GNAL: variants seen among roughly 807,000 people sequenced by gnomAD.
GNAL encodes G protein subunit alpha L.
In GNAL, 18 loss-of-function variants were observed where a neutral mutation model predicts 55.1. The ratio of observed to expected loss-of-function variants is 0.33; its 90% confidence interval spans 0.23 to 0.48. The LOEUF (loss-of-function observed/expected upper bound fraction) is 0.48, where lower values mean the gene tolerates loss of function less well. GNAL is among the 20% of genes least tolerant of loss of function. The pLI is 0.99. For synonymous variants in GNAL, 253 were observed against 237.0 expected (o/e 1.07, Z -0.62); for missense variants, 412 against 614.1 (o/e 0.67, Z 3.48).
chr18:11,786,608 C>A (rs2034069144), intron 4 of GNAL, among the ~76,000 whole-genome samples: 1 of 130,642 alleles, frequency 7.7e-6, no homozygotes, highest in Non-Finnish European at 1.6e-5. Flanking sequence ...ACCACCACAC[C>A]TGGCTAATTT....
At chr18:11,796,057 A>G (rs780286007) in intron 4 of GNAL, among the ~76,000 whole-genome samples, 2 of 152,098 alleles carry the variant, frequency 1.3e-5, no homozygotes, top group Non-Finnish European at 2.9e-5. Flanking sequence ...CCGGAAGGAG[A>G]ATGCTATGGC....
intron 4 of GNAL, among the ~76,000 whole-genome samples, chr18:11,797,884 G>C (rs1056919150): frequency 1.3e-5 from 2 of 152,154 alleles, no homozygotes; most frequent in African/African-American, 2.4e-5. Context: ...CATTGATTCA[G>C]TGTTTTGGGA....
chr18:11,845,398 G>T (rs2035708877), intron 5 of GNAL, among the ~76,000 whole-genome samples: 1 of 151,094 alleles, frequency 6.6e-6, no homozygotes, highest in South Asian at 2.1e-4. Context: ...GTGAGATATG[G>T]CAAAATGCTG....
chr18:11,788,646 C>T (rs1013715063), intron 4 of GNAL, among the ~76,000 whole-genome samples: 4 of 151,750 alleles, frequency 2.6e-5, no homozygotes, highest in Admixed American at 1.3e-4. Flanking sequence ...CGGAGGCAGG[C>T]GGATCACCTG....
chr18:11,772,916 G>A (rs1358332898), intron 4 of GNAL, among the ~76,000 whole-genome samples: 1 of 152,164 alleles, frequency 6.6e-6, no homozygotes, highest in Non-Finnish European at 1.5e-5. Context: ...TTACATCCCT[G>A]TCCTGCGAAG....
chr18:11,724,747 T>C (rs1469841761), intron 1 of GNAL, among the ~76,000 whole-genome samples: 2 of 152,206 alleles, frequency 1.3e-5, no homozygotes, highest in Non-Finnish European at 2.9e-5. Flanking sequence ...GATGTTATAG[T>C]GTCAACCCCC....
intron 1 of GNAL, among the ~76,000 whole-genome samples, chr18:11,704,987 A>G (rs1157664693): frequency 6.6e-6 from 1 of 152,108 alleles, no homozygotes; most frequent in Non-Finnish European, 1.5e-5. Flanking sequence ...GATCTACCCT[A>G]TTAAAAAGTT....
intron 4 of GNAL, among the ~76,000 whole-genome samples, chr18:11,756,266 A>G (rs1195613892): frequency 6.6e-6 from 1 of 152,174 alleles, no homozygotes; most frequent in Admixed American, 6.5e-5. Context: ...TTAATTAAAA[A>G]CTTGAGAAAC....
intron 5 of GNAL, chr18:11,851,971 C>T (rs2035881633): frequency 6.2e-7 from 1 of 1,613,830 alleles, no homozygotes; most frequent in Non-Finnish European, 8.5e-7. Flanking sequence ...TATGCTGCTC[C>T]AGGAAATGGC....
intron 4 of GNAL, among the ~76,000 whole-genome samples, chr18:11,816,886 A>G (rs1287316715): frequency 1.3e-5 from 2 of 151,996 alleles, no homozygotes; most frequent in African/African-American, 4.8e-5. Flanking sequence ...AAATGTGCTA[A>G]GTGAAAGAAG....
At position 11,870,625 on chromosome 18, in the gene GNAL, A is replaced by G. The variant is rs2036375768; in HGVS notation, c.1032-1643A>G. On this transcript the variant is annotated intron_variant, in intron 9 of 11. Coordinates refer to ENST00000334049, the MANE Select transcript of GNAL (RefSeq NM_182978.4). ...TCTCTAAGATCCCTTACAGCTCACA[A>G]TCACCACATAATCATGTTTGAAACT... Among the ~76,000 whole-genome samples, 8 of 152,166 alleles carry G rather than the reference A, an allele frequency of 5.3e-5. 1 individual carries two copies. The highest frequency in any genetic ancestry group is 5.2e-4 in the Admixed American group (8 of 15,264).
intron 1 of GNAL, among the ~76,000 whole-genome samples, chr18:11,703,795 G>GCGCGCGCACA (rs1311432181): frequency 2.1e-5 from 3 of 141,410 alleles, no homozygotes; most frequent in Admixed American, 7.1e-5. Flanking sequence ...GTGTTGATGG[G>GCGCGCGCACA]CACACACACA....
In GNAL at chr18:11,881,144, C is replaced by T; in HGVS notation, c.*9C>T. ...AGTATGAGCTCTTGTGAGGATGCTG[C>T]CGCCACCCTGCGACGGAGCGGCGCC... On this transcript the variant is annotated 3_prime_UTR_variant, in exon 12 of 12. Transcript: ENST00000334049. The surrounding 1 kb of genome is among the most constrained non-coding windows in gnomAD (Gnocchi z 4.8). 6.3e-7 allele frequency: 1 copy of T among 1,599,994 alleles called. No individual in the cohort carries two copies. Among genetic ancestry groups the T allele is most frequent in the South Asian group, 1.1e-5 (1 of 89,494 alleles).
In GNAL at chr18:11,882,641, G is replaced by A. The variant is rs1029508927; in HGVS notation, c.*1506G>A. ...GTGGAGATTGCAGTGAGCCGAGGTC[G>A]TGCCATCGCACTCCAGCCTGGACAT... On this transcript the variant is annotated 3_prime_UTR_variant, in exon 12 of 12. Coordinates refer to ENST00000334049, the MANE Select transcript of GNAL (RefSeq NM_182978.4). 1.4e-5 allele frequency: 2 copies of A among 142,616 alleles called. No homozygotes were observed. Among genetic ancestry groups the A allele is most frequent in the Non-Finnish European group, 1.5e-5 (1 of 66,868 alleles). The allele number at this position is 142,616 out of a possible 1,614,324, so 8.8% of individuals were successfully genotyped here. A position where few individuals can be genotyped will look rare whatever the true frequency, so the allele number is the denominator to read the frequency against.
chr18:11,753,809 T>G lies in GNAL; in HGVS notation c.505-17T>G. 6.3e-7 allele frequency: 1 copy of G among 1,595,044 alleles called. No individual in the cohort carries two copies. ...GCCTAAATGTTTATCCATATTTTTTTTCTTATTCCATTTTAGACAATTGTT... is the reference window on the plus strand; with the variant it reads ...GCCTAAATGTTTATCCATATTTTTTGTCTTATTCCATTTTAGACAATTGTT... On this transcript the variant is annotated splice_polypyrimidine_tract_variant and intron_variant, in intron 3 of 11. Coordinates refer to ENST00000334049, the MANE Select transcript of GNAL (RefSeq NM_182978.4).
In GNAL at chr18:11,885,533, G is replaced by T; in HGVS notation, c.*4398G>T. Reference sequence around the variant, plus strand: ...CCGGAAGGGTGTTTGGCAAGGGGCAGTGTATGGAGCTACGTGTAGAAGGAG... The same window carrying T: ...CCGGAAGGGTGTTTGGCAAGGGGCATTGTATGGAGCTACGTGTAGAAGGAG... On this transcript the variant is annotated 3_prime_UTR_variant, in exon 12 of 12. Coordinates refer to ENST00000334049, the MANE Select transcript of GNAL (RefSeq NM_182978.4). 1.1e-6 allele frequency: 1 copy of T among 948,934 alleles called. No individual in the cohort carries two copies. Among genetic ancestry groups the T allele is most frequent in the Non-Finnish European group, 1.6e-6 (1 of 631,654 alleles). The allele number at this position is 948,934 out of a possible 1,614,324, so 58.8% of individuals were successfully genotyped here.
chr18:11,854,784 A>G (rs2035965448), intron 5 of GNAL, among the ~76,000 whole-genome samples: 1 of 152,158 alleles, frequency 6.6e-6, no homozygotes, highest in South Asian at 2.1e-4. Context: ...TCAGTCTCAA[A>G]AAAAGGAAAA....
intron 1 of GNAL, among the ~76,000 whole-genome samples, chr18:11,749,125 C>CAA (rs368135476): frequency 4.7e-4 from 41 of 86,520 alleles, no homozygotes; most frequent in Admixed American, 7.9e-4. Flanking sequence ...GACTCCATCT[C>CAA]AAAAAAAAAA....
rs533030250 is a variant in GNAL, at chr18:11,850,153, A to G, written c.723-12242A>G. On this transcript the variant is annotated intron_variant, in intron 5 of 11. Transcript: ENST00000334049. ...TCACATTCTCCCCGCTGGCCGAATG[A>G]CGCAAATAATGCTCAAATTCCATGC... Among the ~76,000 whole-genome samples, 291 of 152,338 alleles carry G rather than the reference A, an allele frequency of 1.9e-3. 3 individuals carry two copies. Among genetic ancestry groups the G allele is most frequent in the African/African-American group, 6.7e-3 (280 of 41,584 alleles).
Sources: gnomAD v4.1 joint callset for allele counts (sites outside exome capture counted in the v4.1 genomes callset) on GRCh38, gnomAD v4.1.1 for gene constraint, Gnocchi (gnomAD v3.1) non-coding constraint, MANE v1.5 for transcripts, NCBI Gene and HGNC (gene_info 2026-07-23, HGNC 2026-07-21) for gene names.